VPS37A: variants seen among roughly 807,000 people sequenced by gnomAD.
The protein encoded by VPS37A is vacuolar protein sorting-associated protein 37A.
In VPS37A, 30 loss-of-function variants were observed where a neutral mutation model predicts 49.8. That is an observed-to-expected ratio of 0.60 (90% CI 0.45 to 0.82). The LOEUF (loss-of-function observed/expected upper bound fraction) is 0.82, where lower values mean the gene tolerates loss of function less well. VPS37A is among the 40% of genes least tolerant of loss of function. The pLI is 0.00. For missense variants in VPS37A, 593 were observed against 464.4 expected (o/e 1.28, Z -2.55); for synonymous variants, 195 against 160.6 (o/e 1.21, Z -1.62).
At chr8:17,286,595 C>G in intron 11 of VPS37A, 168 bp downstream of exon 11, 1 of 532,944 alleles carries the variant, frequency 1.9e-6, no homozygotes, top group Non-Finnish European at 3.2e-6. Context: ...ATAATATAAA[C>G]ATATAACTAG....
chr8:17,280,505 T>G, intron 9 of VPS37A, 62 bp downstream of exon 9: 2 of 1,424,116 alleles, frequency 1.4e-6, no homozygotes. Flanking sequence ...TGTGCATGAG[T>G]CCTGATCTCA....
At chr8:17,322,347 C>G in the VPS37A span, among the ~76,000 whole-genome samples, 6 of 152,106 alleles carry the variant, frequency 3.9e-5, no homozygotes, top group Non-Finnish European at 8.8e-5. Context: ...TACCAATGGC[C>G]TAAAGAAAAT....
chr8:17,304,711 C>T (rs1025130652), downstream of VPS37A, among the ~76,000 whole-genome samples: 2 of 141,114 alleles, frequency 1.4e-5, no homozygotes, highest in African/African-American at 5.7e-5. Flanking sequence ...TCAACTTCAC[C>T]ACCATCTGTA....
chr8:17,252,934 G>T (rs55708927), intron 1 of VPS37A, among the ~76,000 whole-genome samples: 5,439 of 152,134 alleles, frequency 0.036, 153 homozygotes, highest in Non-Finnish European at 0.051. Context: ...AAAATTATGC[G>T]TATCAATCCT....
intron 9 of VPS37A, among the ~76,000 whole-genome samples, chr8:17,282,276 A>G (rs945145147): frequency 5.3e-5 from 8 of 152,262 alleles, no homozygotes; most frequent in East Asian, 1.9e-4. Flanking sequence ...TGAGGATTCA[A>G]TAAATTATAA....
At chr8:17,270,326 G>C (rs1002676119) in intron 4 of VPS37A, among the ~76,000 whole-genome samples, 1 of 152,066 alleles carries the variant, frequency 6.6e-6, no homozygotes, top group South Asian at 2.1e-4. Flanking sequence ...ATTTGGTTAG[G>C]GACCAGTGGC....
chr8:17,289,166 C>G (rs557182415), intron 11 of VPS37A, among the ~76,000 whole-genome samples: 1 of 152,260 alleles, frequency 6.6e-6, no homozygotes, highest in South Asian at 2.1e-4. Flanking sequence ...CCTGTTGATT[C>G]TGATGGTAGT....
chr8:17,283,224 C>T (rs946177995), intron 9 of VPS37A, among the ~76,000 whole-genome samples: 2 of 152,040 alleles, frequency 1.3e-5, no homozygotes, highest in East Asian at 3.9e-4. Context: ...GCTGCAGTTA[C>T]AGCTCACTGC....
the VPS37A span, among the ~76,000 whole-genome samples, chr8:17,316,710 C>T: frequency 0.16 from 24,281 of 152,048 alleles, 2,241 homozygotes; most frequent in East Asian, 0.3. Flanking sequence ...TCCAGTGTAA[C>T]GACTATTTAC....
intron 3 of VPS37A, among the ~76,000 whole-genome samples, chr8:17,268,575 AG>A (rs1266820048): frequency 6.6e-6 from 1 of 152,172 alleles, no homozygotes; most frequent in African/African-American, 2.4e-5. Flanking sequence ...CATATACTCT[AG>A]TATTTACCTT....
chr8:17,265,378 T>C (rs1240382573), intron 1 of VPS37A, among the ~76,000 whole-genome samples: 1 of 152,238 alleles, frequency 6.6e-6, no homozygotes, highest in African/African-American at 2.4e-5. Context: ...AGAACATTGC[T>C]ACCCAGAATA....
chr8:17,247,924 C>T (rs538295148), intron 1 of VPS37A: 1 of 615,714 alleles, frequency 1.6e-6, no homozygotes, highest in Non-Finnish European at 2.9e-6. Context: ...CTCTCCCCAT[C>T]TCACAGCGAC....
At chr8:17,289,856 G>C (rs1421234991) in intron 11 of VPS37A, among the ~76,000 whole-genome samples, 3 of 152,134 alleles carry the variant, frequency 2.0e-5, no homozygotes, top group Admixed American at 2.0e-4. Flanking sequence ...TTTTCCATTT[G>C]TTTGTGTCCT....
chr8:17,278,224 G>C (rs1313561357), intron 6 of VPS37A, among the ~76,000 whole-genome samples: 2 of 152,012 alleles, frequency 1.3e-5, no homozygotes, highest in Non-Finnish European at 2.9e-5. Flanking sequence ...GTGAGGTCTG[G>C]TTGCCCTTTT....
At chr8:17,259,152 A>G (rs1812751416) in intron 1 of VPS37A, among the ~76,000 whole-genome samples, 1 of 151,954 alleles carries the variant, frequency 6.6e-6, no homozygotes, top group Admixed American at 6.5e-5. Context: ...CTAGTTCATC[A>G]AAGTGCATAA....
downstream of VPS37A, among the ~76,000 whole-genome samples, chr8:17,304,055 T>C (rs750338770): frequency 6.6e-6 from 1 of 152,228 alleles, no homozygotes; most frequent in African/African-American, 2.4e-5. Context: ...CTGTTGAAAC[T>C]TGTGATTCCA....
downstream of VPS37A, chr8:17,302,266 A>T (rs988583883): frequency 1.6e-5 from 26 of 1,613,144 alleles, no homozygotes; most frequent in Non-Finnish European, 2.2e-5. Flanking sequence ...GCGGTTATAC[A>T]TTCCACTCCA....
Position 17,287,303 on chromosome 8 carries a change from A to T in VPS37A, c.*876A>T, listed in dbSNP as rs568329095. ...TGAGACTGAAAACAGCCACTCAGTG[A>T]CCAAAACAGCTCTTCTCACACCTTT... On this transcript the variant is annotated intron_variant, in intron 11 of 11. Coordinates refer to ENST00000324849, the MANE Select transcript of VPS37A (RefSeq NM_152415.3). Among the ~76,000 whole-genome samples the T allele has an allele frequency of 1.7e-4, 26 of 152,324 alleles. No homozygotes were observed. In the South Asian group the frequency reaches 5.4e-3, roughly 32 times the overall value.
At chr8:17,311,506 C>G in the VPS37A span, 1 of 1,614,112 alleles carries the variant, frequency 6.2e-7, no homozygotes, top group Non-Finnish European at 8.5e-7. Context: ...AGTGGCCACA[C>G]TCACCATGAA....
Sources: allele counts gnomAD v4.1 joint callset (sites outside exome capture counted in the v4.1 genomes callset), GRCh38; gene constraint gnomAD v4.1.1; transcripts MANE v1.5; gene names NCBI Gene and HGNC (gene_info 2026-07-23, HGNC 2026-07-21).